The following REV3L variants were observed in gnomAD, a reference collection of about 807,000 sequenced individuals.
The protein encoded by REV3L is REV3 like, DNA directed polymerase zeta catalytic subunit.
In REV3L, 69 loss-of-function variants were observed where a neutral mutation model predicts 299.4. The ratio of observed to expected loss-of-function variants is 0.23; its 90% confidence interval spans 0.19 to 0.28. The LOEUF is 0.28. Among genes scored for constraint, REV3L ranks in the 10% least tolerant of loss-of-function variants. The probability of loss-of-function intolerance (pLI) is 1.00; values close to 1 mark genes in which losing one functional copy is unlikely to be tolerated. For missense variants in REV3L, 3,128 were observed against 3,693.8 expected, an observed-to-expected ratio of 0.85 and a Z score of 3.97; for synonymous variants, 1,238 against 1,271.4, an observed-to-expected ratio of 0.97 and a Z score of 0.56.
intron 16 of REV3L, 72 bp from the exon 17 acceptor site, chr6:111,359,086 C>T (rs545665731): frequency 1.6e-6 from 2 of 1,273,088 alleles, no homozygotes; most frequent in African/African-American, 3.0e-5. Flanking sequence ...ATGTAAGGCT[C>T]TAGGGAAATA....
rs1243095424 is a variant in REV3L at position 111,303,675 on chromosome 6, TTTTTTTTTTTTTTAACAGACTATGAC to T, written c.9253-3545_9253-3520del. ...AGCCATGATCCCCAGCCGAGGCTTT[TTTTTTTTTTTTTTAACAGACTATGAC>T]TTTTTTTTTTTTTTTTTTTTTTTTT... is the stretch of plus-strand genomic sequence containing the variant. On this transcript the variant is annotated intron_variant, in intron 31 of 31. Transcript: ENST00000368802. Among the ~76,000 whole-genome samples, 322 of 89,046 alleles carry T rather than the reference TTTTTTTTTTTTTTAACAGACTATGAC, an allele frequency of 3.6e-3. 82 individuals carry two copies. Among genetic ancestry groups the T allele is most frequent in the Non-Finnish European group, 8.3e-3 (271 of 32,576 alleles). 58.4% of individuals were successfully genotyped at this position (89,046 alleles called of 152,430 possible).
intron 4 of REV3L, among the ~76,000 whole-genome samples, chr6:111,399,539 T>C (rs758939983): frequency 6.6e-6 from 1 of 152,212 alleles, no homozygotes; most frequent in Non-Finnish European, 1.5e-5. Flanking sequence ...AGTTGCCATG[T>C]CTTTCCAGTC....
intron 31 of REV3L, among the ~76,000 whole-genome samples, chr6:111,300,897 C>T (rs1272108678): frequency 6.6e-6 from 1 of 152,198 alleles, no homozygotes; most frequent in African/African-American, 2.4e-5. Context: ...TTGAAAAGAA[C>T]AGGATAACAG....
intron 1 of REV3L, among the ~76,000 whole-genome samples, chr6:111,455,180 G>C (rs988651084): frequency 9.9e-5 from 15 of 152,168 alleles, no homozygotes; most frequent in African/African-American, 2.9e-4. Flanking sequence ...GGGTAGTTGG[G>C]AGAGGCTTCA....
chr6:111,426,922 C>T (rs960111441), intron 1 of REV3L, among the ~76,000 whole-genome samples: 1 of 152,128 alleles, frequency 6.6e-6, no homozygotes. Flanking sequence ...GTGTTATTAA[C>T]CTTAGTGAAA....
chr6:111,324,091 C>A (rs1774484379), intron 25 of REV3L, among the ~76,000 whole-genome samples: 1 of 152,152 alleles, frequency 6.6e-6, no homozygotes. Context: ...CCTCTGCCTC[C>A]TGGGTTCAAG....
At chr6:111,419,718 G>GT (rs1785111079) in intron 1 of REV3L, among the ~76,000 whole-genome samples, 1 of 152,286 alleles carries the variant, frequency 6.6e-6, no homozygotes, top group Admixed American at 6.5e-5. Context: ...TTAAGAACTT[G>GT]TGACTTCAGT....
At chr6:111,379,437 C>A (rs1780611360) in intron 11 of REV3L, among the ~76,000 whole-genome samples, 1 of 152,216 alleles carries the variant, frequency 6.6e-6, no homozygotes, top group Admixed American at 6.5e-5. Flanking sequence ...AACTAAAGGG[C>A]AGACTCAAAC....
chr6:111,303,701 C>CTTTTTTTTTTTTTTTTTTTTT (rs58366929), intron 31 of REV3L, among the ~76,000 whole-genome samples: 2 of 12,642 alleles, frequency 1.6e-4, no homozygotes, highest in African/African-American at 2.4e-4. Context: ...CAGACTATGA[C>CTTTTTTTTTTTTTTTTTTTTT]TTTTTTTTTT....
intron 10 of REV3L, among the ~76,000 whole-genome samples, chr6:111,380,995 G>A (rs1340918800): frequency 6.6e-6 from 1 of 152,238 alleles, no homozygotes; most frequent in Non-Finnish European, 1.5e-5. Context: ...TACTCACCAA[G>A]AAAGAACCAC....
chr6:111,300,170 A>G lies in REV3L; in HGVS notation c.9253-14T>C, dbSNP rs769557133. 6.4e-7 allele frequency: 1 copy of G among 1,550,396 alleles called. No individual in the cohort carries two copies. Among genetic ancestry groups the G allele is most frequent in the South Asian group, 1.2e-5 (1 of 80,802 alleles). ...GTTCTTGCATATCTGAAAGCATAAG[A>G]GAAATACAAAAAATAATAGGAAAGT... On this transcript the variant is annotated splice_polypyrimidine_tract_variant and intron_variant, in intron 31 of 31. Transcript: ENST00000368802.
chr6:111,431,533 C>G, intron 1 of REV3L: 1 of 829,288 alleles, frequency 1.2e-6, no homozygotes, highest in Non-Finnish European at 2.1e-6. Flanking sequence ...CACCAGACCC[C>G]CTCCCAACAT....
intron 1 of REV3L, among the ~76,000 whole-genome samples, chr6:111,447,316 T>C (rs1038837694): frequency 4.6e-5 from 7 of 152,210 alleles, no homozygotes; most frequent in African/African-American, 1.7e-4. Context: ...AACTTTCAAA[T>C]GCTTGCTATT....
At position 111,474,988 on chromosome 6, in the gene REV3L, T is replaced by C. The variant is rs12212648; in HGVS notation, c.139+7762A>G. On this transcript the variant is annotated intron_variant, in intron 1 of 31. Coordinates refer to ENST00000368802, the MANE Select transcript of REV3L (RefSeq NM_001372078.1). ...ATTACATTCTATAGCTGCCTATATATACACACACACACACACACACACACA... is the reference window on the plus strand; with the variant it reads ...ATTACATTCTATAGCTGCCTATATACACACACACACACACACACACACACA... 7.4e-3 allele frequency among the ~76,000 whole-genome samples: 1,074 copies of C among 145,904 alleles called. 5 individuals are homozygous for C. Among genetic ancestry groups the C allele is most frequent in the Middle Eastern group, 0.028 (8 of 282 alleles).
chr6:111,461,739 G>A (rs988245636), intron 1 of REV3L, among the ~76,000 whole-genome samples: 5 of 151,730 alleles, frequency 3.3e-5, no homozygotes, highest in African/African-American at 9.7e-5. Flanking sequence ...ACAAATATAC[G>A]GCAAACCCTA....
At chr6:111,346,193 A>G (rs1279802158) in intron 20 of REV3L, among the ~76,000 whole-genome samples, 1 of 152,206 alleles carries the variant, frequency 6.6e-6, no homozygotes, top group Non-Finnish European at 1.5e-5. Flanking sequence ...GATGGCATTC[A>G]GTAAATATTT....
intron 3 of REV3L, among the ~76,000 whole-genome samples, chr6:111,406,199 G>C (rs190601658): frequency 5.3e-5 from 8 of 152,254 alleles, no homozygotes; most frequent in African/African-American, 1.9e-4. Flanking sequence ...CTAAGCAAGA[G>C]ACTAAATGAT....
intron 1 of REV3L, among the ~76,000 whole-genome samples, chr6:111,424,819 A>C (rs757657325): frequency 6.6e-6 from 1 of 152,202 alleles, no homozygotes; most frequent in Non-Finnish European, 1.5e-5. Flanking sequence ...GTGGAAAACA[A>C]TCAACAGCAA....
intron 26 of REV3L, among the ~76,000 whole-genome samples, chr6:111,317,956 A>G (rs944164328): frequency 6.6e-6 from 1 of 152,246 alleles, no homozygotes; most frequent in Admixed American, 6.5e-5. Context: ...CTGTATGGAT[A>G]TACCACAATT....
Sources: allele counts gnomAD v4.1 joint callset (sites outside exome capture counted in the v4.1 genomes callset), GRCh38; gene constraint gnomAD v4.1.1; transcripts MANE v1.5; gene names NCBI Gene and HGNC (gene_info 2026-07-23, HGNC 2026-07-21).